Variants in PLCL1 observed in about 807,000 individuals in gnomAD.
PLCL1 encodes phospholipase C like 1 (inactive).
PLCL1 carries 41 observed loss-of-function variants against 84.4 expected under a neutral mutation model. That is an observed-to-expected ratio of 0.49 (90% CI 0.38 to 0.63). PLCL1 has a LOEUF of 0.63. Ranked by LOEUF, PLCL1 falls within the 30% of genes least tolerant of loss-of-function variation. PLCL1 has a pLI of 0.00. For missense variants in PLCL1, 1,206 were observed against 1,367.8 expected (o/e 0.88, Z 1.87); for synonymous variants, 490 against 488.3 (o/e 1.00, Z -0.05).
chr2:198,141,019 G>A (rs374673295), intron 5 of PLCL1, among the ~76,000 whole-genome samples: 8 of 151,996 alleles, frequency 5.3e-5, no homozygotes, highest in South Asian at 2.1e-4. Flanking sequence ...TATTTTTATT[G>A]CATTATATAA....
chr2:197,896,078 T>TAAA (rs1267838150), intron 1 of PLCL1, among the ~76,000 whole-genome samples: 2 of 152,008 alleles, frequency 1.3e-5, no homozygotes, highest in African/African-American at 2.4e-5. Flanking sequence ...AACTACTTCT[T>TAAA]AACAAAATTG....
intron 1 of PLCL1, among the ~76,000 whole-genome samples, chr2:197,976,250 G>A (rs1458915953): frequency 6.6e-6 from 1 of 152,194 alleles, no homozygotes; most frequent in East Asian, 1.9e-4. Flanking sequence ...TCTATCCTGT[G>A]TACCACACTT....
intron 1 of PLCL1, among the ~76,000 whole-genome samples, chr2:198,040,349 T>A (rs2196175): frequency 0.49 from 74,649 of 151,930 alleles, 18,783 homozygotes; most frequent in Middle Eastern, 0.65. Flanking sequence ...TTTTTTGAGG[T>A]TGCAGCCATC....
At chr2:197,953,111 G>T (rs1308471800) in intron 1 of PLCL1, among the ~76,000 whole-genome samples, 3 of 152,030 alleles carry the variant, frequency 2.0e-5, no homozygotes, top group African/African-American at 7.2e-5. Context: ...TATGAAGTAG[G>T]TATTGTTATC....
intron 1 of PLCL1, among the ~76,000 whole-genome samples, chr2:197,899,127 C>G (rs1361866769): frequency 6.6e-6 from 1 of 152,166 alleles, no homozygotes; most frequent in Non-Finnish European, 1.5e-5. Flanking sequence ...AGATTCTCTG[C>G]TCTCATGGAA....
intron 1 of PLCL1, among the ~76,000 whole-genome samples, chr2:197,903,362 T>C (rs1688304546): frequency 6.6e-6 from 1 of 151,952 alleles, no homozygotes; most frequent in Non-Finnish European, 1.5e-5. Flanking sequence ...TCTAGTCCAA[T>C]GCCTGTATTT....
intron 1 of PLCL1, among the ~76,000 whole-genome samples, chr2:197,915,769 C>G (rs753824502): frequency 8.5e-5 from 13 of 152,158 alleles, no homozygotes; most frequent in Admixed American, 2.0e-4. Context: ...TCCCTTTCAT[C>G]TCAAAGCTCT....
intron 1 of PLCL1, among the ~76,000 whole-genome samples, chr2:197,884,356 G>A (rs547805645): frequency 4.0e-4 from 61 of 152,332 alleles, no homozygotes; most frequent in African/African-American, 1.2e-3. Flanking sequence ...TTAGCTCCCA[G>A]TTGAGTTCTC....
In PLCL1 at chr2:197,985,670, T is replaced by C. The variant is rs375241852; in HGVS notation, c.241-98088T>C. ...GCCTTGCTTATTCATTTAAGTGTTGTCTGTGTTTGCTTTCATGCTATCATG... is the reference window on the plus strand; with the variant it reads ...GCCTTGCTTATTCATTTAAGTGTTGCCTGTGTTTGCTTTCATGCTATCATG... On this transcript the variant is annotated intron_variant, in intron 1 of 5. Coordinates refer to ENST00000428675, the MANE Select transcript of PLCL1 (RefSeq NM_006226.4). 2.2e-4 allele frequency among the ~76,000 whole-genome samples: 33 copies of C among 152,322 alleles called. 1 individual carries two copies. Among genetic ancestry groups the C allele is most frequent in the African/African-American group, 7.5e-4 (31 of 41,576 alleles).
At chr2:197,826,769 T>G (rs1441258199) in intron 1 of PLCL1, among the ~76,000 whole-genome samples, 1 of 152,110 alleles carries the variant, frequency 6.6e-6, no homozygotes, top group Non-Finnish European at 1.5e-5. Context: ...AACAGAAGTA[T>G]AGTATAGAGC....
intron 1 of PLCL1, among the ~76,000 whole-genome samples, chr2:197,882,072 AC>A (rs1388973800): frequency 1.3e-5 from 2 of 151,768 alleles, no homozygotes; most frequent in Non-Finnish European, 2.9e-5. Flanking sequence ...GAGGCACCTC[AC>A]CCCCCACCCC....
intron 3 of PLCL1, among the ~76,000 whole-genome samples, 192 bp from the exon 4 acceptor site, chr2:198,101,093 G>A (rs963623883): frequency 6.6e-6 from 1 of 152,050 alleles, no homozygotes; most frequent in African/African-American, 2.4e-5. Context: ...TCATAAGGAA[G>A]GTGACACTAG....
intron 1 of PLCL1, among the ~76,000 whole-genome samples, chr2:198,020,784 C>A (rs552546365): frequency 1.3e-5 from 2 of 152,134 alleles, no homozygotes; most frequent in African/African-American, 4.8e-5. Context: ...CTTAGCCTCC[C>A]ACACAGTACT....
chr2:197,929,640 G>T (rs1688896481), intron 1 of PLCL1, among the ~76,000 whole-genome samples: 1 of 152,160 alleles, frequency 6.6e-6, no homozygotes, highest in African/African-American at 2.4e-5. Flanking sequence ...TGAAAGCTGG[G>T]CATTTGATGT....
chr2:198,096,862 T>C (rs1216260421), intron 3 of PLCL1, among the ~76,000 whole-genome samples: 9 of 152,198 alleles, frequency 5.9e-5, no homozygotes, highest in Admixed American at 1.3e-4. Flanking sequence ...CTAGTAAGTA[T>C]TACAGTTAAG....
intron 1 of PLCL1, among the ~76,000 whole-genome samples, chr2:198,026,097 C>G (rs1249002245): frequency 6.6e-6 from 1 of 152,004 alleles, no homozygotes; most frequent in Non-Finnish European, 1.5e-5. Context: ...TGAAAGAGGC[C>G]TTCAGGTAGG....
intron 1 of PLCL1, among the ~76,000 whole-genome samples, chr2:198,010,902 T>C (rs1559073030): frequency 6.6e-6 from 1 of 151,868 alleles, no homozygotes; most frequent in Non-Finnish European, 1.5e-5. Context: ...TTTTAGATTA[T>C]CCAATTTGTT....
chr2:197,804,948 C>T lies in PLCL1; in HGVS notation c.-152C>T. 2.2e-6 allele frequency: 2 copies of T among 923,484 alleles called. No homozygotes were observed. The highest frequency in any genetic ancestry group is 3.1e-6 in the Non-Finnish European group (2 of 652,622). 57.2% of individuals were successfully genotyped at this position (923,484 alleles called of 1,614,324 possible). A position where few individuals can be genotyped will look rare whatever the true frequency, so the allele number is the denominator to read the frequency against. ...TGTCCCCTCTCCAGAAAGTTGCCGC[C>T]GCCGCCGCCGCCGCCGCCACTGCCG... is the stretch of plus-strand genomic sequence containing the variant. On this transcript the variant is annotated 5_prime_UTR_variant, in exon 1 of 6. Coordinates refer to ENST00000428675, the MANE Select transcript of PLCL1 (RefSeq NM_006226.4).
intron 1 of PLCL1, among the ~76,000 whole-genome samples, chr2:198,072,454 A>G (rs1022856519): frequency 2.6e-5 from 4 of 151,814 alleles, no homozygotes; most frequent in Non-Finnish European, 4.4e-5. Context: ...ACAATATTTT[A>G]CGCTTAATTT....
Sources: gnomAD v4.1 joint callset for allele counts (sites outside exome capture counted in the v4.1 genomes callset) on GRCh38, gnomAD v4.1.1 for gene constraint, MANE v1.5 for transcripts, NCBI Gene and HGNC (gene_info 2026-07-23, HGNC 2026-07-21) for gene names.